The following SIPA1L1 variants were observed in gnomAD, a reference collection of about 807,000 sequenced individuals.
The protein encoded by SIPA1L1 is signal induced proliferation associated 1 like 1.
SIPA1L1 carries 26 observed loss-of-function variants against 162.7 expected under a neutral mutation model. The ratio of observed to expected loss-of-function variants is 0.16; its 90% CI spans 0.12 to 0.22. The LOEUF is 0.22. Among genes scored for constraint, SIPA1L1 ranks in the 10% least tolerant of loss-of-function variants. SIPA1L1 has a pLI of 1.00. For synonymous variants in SIPA1L1, 829 were observed against 837.4 expected (o/e 0.99, Z 0.17); for missense variants, 1,874 against 2,241.0 (o/e 0.84, Z 3.31).
At chr14:71,547,080 T>C (rs1163526031) in intron 4 of SIPA1L1, among the ~76,000 whole-genome samples, 2 of 152,022 alleles carry the variant, frequency 1.3e-5, no homozygotes, top group East Asian at 3.9e-4. Context: ...GTAATTTTTG[T>C]GTAAAGAGCT....
At chr14:71,339,411 G>A (rs1420030008) in intron 2 of SIPA1L1, among the ~76,000 whole-genome samples, 1 of 151,298 alleles carries the variant, frequency 6.6e-6, no homozygotes, top group Non-Finnish European at 1.5e-5. Context: ...AGGCCAGGCT[G>A]GAGTGCAGTG....
At chr14:71,396,394 G>A (rs1281439863) in intron 2 of SIPA1L1, among the ~76,000 whole-genome samples, 1 of 152,184 alleles carries the variant, frequency 6.6e-6, no homozygotes, top group African/African-American at 2.4e-5. Flanking sequence ...CCCTCAAAAT[G>A]TGTTAGTTTC....
At chr14:71,497,196 A>T (rs2049858293) in intron 2 of SIPA1L1, among the ~76,000 whole-genome samples, 1 of 152,028 alleles carries the variant, frequency 6.6e-6, no homozygotes, top group South Asian at 2.1e-4. Flanking sequence ...AAAAAACAAA[A>T]AAAAAGATCC....
chr14:71,653,988 C>A (rs552310446), intron 8 of SIPA1L1, among the ~76,000 whole-genome samples: 7 of 152,278 alleles, frequency 4.6e-5, no homozygotes, highest in African/African-American at 1.4e-4. Flanking sequence ...CGGCCTTTAG[C>A]CTATGTCTTC....
intron 2 of SIPA1L1, among the ~76,000 whole-genome samples, chr14:71,417,180 T>C (rs957482461): frequency 6.6e-6 from 1 of 152,130 alleles, no homozygotes; most frequent in Non-Finnish European, 1.5e-5. Flanking sequence ...ACTGTGTTGT[T>C]ACAATAACAT....
chr14:71,349,717 G>T (rs2036508537), intron 2 of SIPA1L1, among the ~76,000 whole-genome samples: 1 of 152,162 alleles, frequency 6.6e-6, no homozygotes. Context: ...TAATTCCTGT[G>T]GGTTCCTGGT....
At chr14:71,619,009 G>T in intron 6 of SIPA1L1, 122 bp downstream of exon 6, 1 of 1,027,688 alleles carries the variant, frequency 9.7e-7, no homozygotes, top group Non-Finnish European at 1.4e-6. Flanking sequence ...AGTAAGCAAA[G>T]TCCCCTTTCA....
intron 4 of SIPA1L1, among the ~76,000 whole-genome samples, chr14:71,544,031 ATG>A (rs1175310332): frequency 2.7e-5 from 4 of 147,578 alleles, no homozygotes; most frequent in Admixed American, 7.4e-5. Flanking sequence ...ACGCACATGT[ATG>A]TATATACACA....
chr14:71,569,360 C>T (rs930663681), intron 4 of SIPA1L1, among the ~76,000 whole-genome samples: 4 of 152,086 alleles, frequency 2.6e-5, no homozygotes, highest in African/African-American at 7.2e-5. Context: ...GAGGATTGCA[C>T]TAAGGGGTGG....
rs1016447374 is a variant in SIPA1L1 at position 71,688,189 on chromosome 14, A to G, written c.3374+2558A>G. 2.6e-5 allele frequency among the ~76,000 whole-genome samples: 4 copies of G among 152,232 alleles called. No individual in the cohort carries two copies. The South Asian group carries it at 8.3e-4, about 32-fold the overall frequency. On this transcript the variant is annotated intron_variant, in intron 13 of 23. Transcript: ENST00000381232. Reference sequence around the variant, plus strand: ...AAAGAGAAGGTACTATAGATTGAATATCTTAATCCAAAAGTCTGAAATCTG... The same window carrying G: ...AAAGAGAAGGTACTATAGATTGAATGTCTTAATCCAAAAGTCTGAAATCTG...
intron 17 of SIPA1L1, among the ~76,000 whole-genome samples, chr14:71,711,231 T>C (rs2082854874): frequency 6.6e-6 from 1 of 152,204 alleles, no homozygotes; most frequent in Non-Finnish European, 1.5e-5. Context: ...AGAAAGTAGA[T>C]TGTTTGATTC....
intron 2 of SIPA1L1, among the ~76,000 whole-genome samples, chr14:71,395,751 C>T (rs1231212836): frequency 1.3e-5 from 2 of 152,200 alleles, no homozygotes; most frequent in Admixed American, 1.3e-4. Context: ...AGGACTGTGT[C>T]AGCACCAGTG....
intron 6 of SIPA1L1, among the ~76,000 whole-genome samples, chr14:71,622,282 G>C (rs2039530814): frequency 6.6e-6 from 1 of 152,188 alleles, no homozygotes; most frequent in South Asian, 2.1e-4. Flanking sequence ...TTGTTTATGA[G>C]CAAAATTTTA....
At chr14:71,536,007 C>G (rs2053863227) in intron 4 of SIPA1L1, among the ~76,000 whole-genome samples, 1 of 152,054 alleles carries the variant, frequency 6.6e-6, no homozygotes, top group East Asian at 1.9e-4. Context: ...CCTTGCCATC[C>G]TACGGCAGCT....
At chr14:71,423,974 C>G (rs917296070) in intron 2 of SIPA1L1, among the ~76,000 whole-genome samples, 2 of 152,050 alleles carry the variant, frequency 1.3e-5, no homozygotes, top group Admixed American at 1.3e-4. Context: ...TAACTTCTTT[C>G]AGCAGTGTTT....
intron 12 of SIPA1L1, among the ~76,000 whole-genome samples, chr14:71,675,047 G>T (rs544611698): frequency 1.3e-5 from 2 of 152,320 alleles, no homozygotes; most frequent in South Asian, 4.2e-4. Flanking sequence ...TTCTGCTGGG[G>T]TGAAGAAAAC....
At chr14:71,734,939 A>G (rs2085148729) in intron 21 of SIPA1L1, among the ~76,000 whole-genome samples, 2 of 152,208 alleles carry the variant, frequency 1.3e-5, no homozygotes, top group African/African-American at 2.4e-5. Flanking sequence ...TCTCGAACGC[A>G]TTTATTTCAT....
At chr14:71,727,174 T>A (rs1160273407) in intron 19 of SIPA1L1, among the ~76,000 whole-genome samples, 1 of 152,032 alleles carries the variant, frequency 6.6e-6, no homozygotes, top group Non-Finnish European at 1.5e-5. Flanking sequence ...TGGCATACAG[T>A]CTGACAAGTG....
chr14:71,586,243 T>G (rs1226795517), intron 4 of SIPA1L1: 1 of 144,302 alleles, frequency 6.9e-6, no homozygotes, highest in African/African-American at 2.6e-5. Flanking sequence ...TTTTTTTTTT[T>G]GAAACACCCC....
Sources: allele counts gnomAD v4.1 joint callset (sites outside exome capture counted in the v4.1 genomes callset), GRCh38; gene constraint gnomAD v4.1.1; transcripts MANE v1.5; gene names NCBI Gene and HGNC (gene_info 2026-07-23, HGNC 2026-07-21).